The following RIMS2 variants were observed in gnomAD, a reference collection of about 807,000 sequenced individuals.
RIMS2 encodes the protein regulating synaptic membrane exocytosis protein 2.
In RIMS2, 59 loss-of-function variants were observed where a neutral mutation model predicts 174.4. The observed-to-expected ratio is 0.34, with a 90% CI of 0.27 to 0.42. RIMS2 has a LOEUF of 0.42. RIMS2 is among the 10% of genes least tolerant of loss of function. RIMS2 has a pLI of 1.00. For synonymous variants in RIMS2, 606 were observed against 572.5 expected (o/e 1.06, Z -0.84); for missense variants, 1,620 against 1,666.3 (o/e 0.97, Z 0.48).
At chr8:103,609,302 A>C (rs2095280193) in intron 1 of RIMS2, among the ~76,000 whole-genome samples, 1 of 152,146 alleles carries the variant, frequency 6.6e-6, no homozygotes, top group Non-Finnish European at 1.5e-5. Flanking sequence ...CCCATTCTGT[A>C]GGTTGTCTGT....
intron 1 of RIMS2, among the ~76,000 whole-genome samples, chr8:103,576,418 G>A (rs935502233): frequency 6.6e-6 from 1 of 152,174 alleles, no homozygotes; most frequent in Non-Finnish European, 1.5e-5. Flanking sequence ...TGAATGCAAA[G>A]ATGTAAATGT....
chr8:103,669,634 A>T (rs934209790), intron 1 of RIMS2, among the ~76,000 whole-genome samples: 2 of 152,236 alleles, frequency 1.3e-5, no homozygotes, highest in African/African-American at 4.8e-5. Context: ...CAAAGGGGCT[A>T]CAGGCCCCAT....
At chr8:103,973,119 T>C (rs961148975) in intron 15 of RIMS2, among the ~76,000 whole-genome samples, 30 of 152,228 alleles carry the variant, frequency 2.0e-4, no homozygotes, top group Non-Finnish European at 1.2e-4. Context: ...ATGAATTGTA[T>C]ACTGCTATCA....
chr8:104,100,757 T>G (rs1435875118), intron 19 of RIMS2, among the ~76,000 whole-genome samples: 1 of 146,388 alleles, frequency 6.8e-6, no homozygotes, highest in African/African-American at 2.5e-5. Context: ...CAAGTTCAAG[T>G]GAAATGCCAA....
At chr8:103,995,112 A>G (rs1026988375) in intron 17 of RIMS2, among the ~76,000 whole-genome samples, 7 of 152,074 alleles carry the variant, frequency 4.6e-5, no homozygotes, top group Non-Finnish European at 8.8e-5. Context: ...ATAGGCTCAT[A>G]ATCTTCTGTT....
chr8:103,888,167 A>G lies in RIMS2; in HGVS notation c.1624+1944A>G, dbSNP rs193170412. 8.0e-4 allele frequency among the ~76,000 whole-genome samples: 121 copies of G among 151,606 alleles called. 2 individuals are homozygous for G. The highest frequency in any genetic ancestry group is 2.8e-3 in the African/African-American group (115 of 41,526). On this transcript the variant is annotated intron_variant, in intron 4 of 23. Transcript: ENST00000504942. ...TAATATAATATATTAAAACTAATAA[A>G]TGATAAAATATAAAATGCACAACAA...
intron 19 of RIMS2, among the ~76,000 whole-genome samples, chr8:104,208,886 A>G (rs2099093088): frequency 6.6e-6 from 1 of 152,242 alleles, no homozygotes; most frequent in African/African-American, 2.4e-5. Flanking sequence ...TGACAAAGGA[A>G]GCCAAGTACA....
chr8:104,124,080 AT>A lies in RIMS2; in HGVS notation c.3334+109473del, dbSNP rs530247685. On this transcript the variant is annotated intron_variant, in intron 19 of 23. Coordinates refer to ENST00000504942, the Ensembl canonical transcript of RIMS2. ...TTAATTTAAAAGCAGCCAGTGCAAA[AT>A]TTTTTTTAATTTAAAGATATGCAAT... Among the ~76,000 whole-genome samples the A allele has an allele frequency of 1.4e-4, 21 of 152,204 alleles. No individual in the cohort carries two copies. In the South Asian group the frequency reaches 2.9e-3, roughly 21 times the overall value.
At chr8:103,977,385 G>A (rs750837527) in intron 16 of RIMS2, 10 of 152,190 alleles carry the variant, frequency 6.6e-5, no homozygotes, top group African/African-American at 9.7e-5. Context: ...TTTAAAGTTT[G>A]AGAACTAGTT....
In RIMS2 at chr8:103,739,471, A is replaced by G. The variant is rs1434373221; in HGVS notation, c.388-26756A>G. On this transcript the variant is annotated intron_variant, in intron 2 of 23. Transcript: ENST00000504942. ...TGCAGCACACCAACATGGCACATGTATACATATGTAACAAACCTGCACGTT... is the reference window on the plus strand; with the variant it reads ...TGCAGCACACCAACATGGCACATGTGTACATATGTAACAAACCTGCACGTT... Among the ~76,000 whole-genome samples, 16 of 152,358 alleles carry G rather than the reference A, an allele frequency of 1.1e-4. No homozygotes were observed. The East Asian group carries it at 3.1e-3, about 29-fold the overall frequency.
intron 2 of RIMS2, among the ~76,000 whole-genome samples, chr8:103,717,888 C>T (rs1214519266): frequency 6.6e-6 from 1 of 152,118 alleles, no homozygotes; most frequent in African/African-American, 2.4e-5. Flanking sequence ...CTATTGAACA[C>T]TTGAAAAGTG....
At chr8:103,984,220 G>T (rs779394348) in intron 16 of RIMS2, among the ~76,000 whole-genome samples, 1 of 151,870 alleles carries the variant, frequency 6.6e-6, no homozygotes, top group Non-Finnish European at 1.5e-5. Flanking sequence ...ATCATATCAA[G>T]TTAAAAAGCT....
At chr8:103,797,663 C>T (rs1223126959) in intron 3 of RIMS2, among the ~76,000 whole-genome samples, 2 of 152,038 alleles carry the variant, frequency 1.3e-5, no homozygotes, top group African/African-American at 2.4e-5. Context: ...CTTTAGTGTT[C>T]GATTTTTTCT....
chr8:103,541,177 A>G (rs1381281489), intron 1 of RIMS2, among the ~76,000 whole-genome samples: 1 of 152,226 alleles, frequency 6.6e-6, no homozygotes, highest in East Asian at 1.9e-4. Context: ...GATTCAGTCC[A>G]TAAACGACCA....
intron 1 of RIMS2, among the ~76,000 whole-genome samples, chr8:103,620,678 T>C (rs2095613450): frequency 1.4e-5 from 1 of 73,520 alleles, no homozygotes; most frequent in Non-Finnish European, 2.5e-5. Context: ...ATTCATGTGA[T>C]CATCAGGAAC....
chr8:104,024,915 A>G (rs955306138), intron 19 of RIMS2, among the ~76,000 whole-genome samples: 4 of 152,166 alleles, frequency 2.6e-5, no homozygotes, highest in Non-Finnish European at 4.4e-5. Context: ...GCTTATTTTC[A>G]TAATACAAAG....
At chr8:104,024,957 A>G (rs1207777625) in intron 19 of RIMS2, among the ~76,000 whole-genome samples, 1 of 152,172 alleles carries the variant, frequency 6.6e-6, no homozygotes, top group African/African-American at 2.4e-5. Flanking sequence ...TGAAATATAA[A>G]TATTCCTGAG....
intron 19 of RIMS2, among the ~76,000 whole-genome samples, chr8:104,203,727 C>T (rs1339048945): frequency 6.6e-6 from 1 of 152,074 alleles, no homozygotes; most frequent in Non-Finnish European, 1.5e-5. Context: ...TAGTGTCAAA[C>T]TACTGACCTC....
intron 15 of RIMS2, among the ~76,000 whole-genome samples, chr8:103,962,178 G>A (rs1270780998): frequency 6.6e-6 from 1 of 151,922 alleles, no homozygotes; most frequent in Non-Finnish European, 1.5e-5. Flanking sequence ...CGTTCATCTT[G>A]ATGCCATTTT....
Sources: allele counts gnomAD v4.1 joint callset (sites outside exome capture counted in the v4.1 genomes callset), GRCh38; gene constraint gnomAD v4.1.1; transcripts MANE v1.5; gene names NCBI Gene and HGNC (gene_info 2026-07-23, HGNC 2026-07-21).